MYBPC1: variants seen among roughly 807,000 people sequenced by gnomAD.
The protein encoded by MYBPC1 is myosin-binding protein C, slow-type.
In MYBPC1, 52 loss-of-function variants were observed where a neutral mutation model predicts 147.1. The observed-to-expected ratio is 0.35, with a 90% CI of 0.28 to 0.45. The LOEUF (loss-of-function observed/expected upper bound fraction) is 0.45. Among genes scored for constraint, MYBPC1 ranks in the 20% least tolerant of loss-of-function variants. The pLI is 1.00. For synonymous variants in MYBPC1, 477 were observed against 475.9 expected (o/e 1.00, Z -0.03); for missense variants, 1,228 against 1,440.3 (o/e 0.85, Z 2.39).
intron 8 of MYBPC1, among the ~76,000 whole-genome samples, chr12:101,633,474 G>A (rs1196143841): frequency 6.6e-6 from 1 of 152,028 alleles, no homozygotes. Context: ...AGATCACGAG[G>A]ACAGCAGTCC....
chr12:101,632,479 T>C (rs563243842), intron 8 of MYBPC1, among the ~76,000 whole-genome samples: 17 of 152,310 alleles, frequency 1.1e-4, no homozygotes, highest in African/African-American at 3.4e-4. Context: ...GGTAATATGC[T>C]ATGAGAGTTC....
chr12:101,617,862 C>A (rs546642557), intron 3 of MYBPC1, among the ~76,000 whole-genome samples: 1 of 152,238 alleles, frequency 6.6e-6, no homozygotes, highest in African/African-American at 2.4e-5. Flanking sequence ...TTCTGTTACT[C>A]CATGAAATGC....
At chr12:101,619,208 C>G (rs1886833055) in intron 3 of MYBPC1, among the ~76,000 whole-genome samples, 1 of 152,080 alleles carries the variant, frequency 6.6e-6, no homozygotes, top group African/African-American at 2.4e-5. Context: ...CTCTCCCTCC[C>G]TCCTCCAACT....
intron 1 of MYBPC1, among the ~76,000 whole-genome samples, chr12:101,612,103 A>G (rs1374324850): frequency 6.6e-6 from 1 of 150,894 alleles, no homozygotes; most frequent in African/African-American, 2.4e-5. Context: ...AAAAAAGAAT[A>G]ATCAGCTCTG....
chr12:101,647,930 T>A, intron 13 of MYBPC1, 115 bp from the exon 14 acceptor site: 1 of 808,648 alleles, frequency 1.2e-6, no homozygotes, highest in East Asian at 2.8e-5. Context: ...GTTATCACCA[T>A]GTCAACCATA....
chr12:101,607,534 A>T (rs990331610), intron 1 of MYBPC1, among the ~76,000 whole-genome samples: 22 of 152,202 alleles, frequency 1.4e-4, no homozygotes, highest in Non-Finnish European at 3.1e-4. Flanking sequence ...TTTTATTTTT[A>T]AAAAATTTTC....
At chr12:101,634,823 A>T (rs1890677024) in intron 9 of MYBPC1, among the ~76,000 whole-genome samples, 1 of 152,256 alleles carries the variant, frequency 6.6e-6, no homozygotes, top group Admixed American at 6.5e-5. Context: ...CTTGTTATAA[A>T]GAAGTTCCTG....
chr12:101,661,159 C>T lies in MYBPC1; in HGVS notation c.1929C>T (p.Asp643=). Residue 643 remains aspartate, a splice_region_variant and synonymous_variant, in exon 20 of 32, where the codon GAC becomes GAT. Coordinates refer to ENST00000361466, the MANE Select transcript of MYBPC1 (RefSeq NM_002465.4). The stretch of plus-strand genomic sequence containing the variant: ...TATCCTATTTTTTGTCTGCCACAGA[C>T]TTCCCTGATCCTCCAGTGGCACCGA... ...AHASIKVKVV[D]FPDPPVAPTV... is the part of the protein sequence containing the mutation. 13 of 1,612,112 alleles carry T rather than the reference C, an allele frequency of 8.1e-6. No homozygotes were observed. Among genetic ancestry groups the T allele is most frequent in the Non-Finnish European group, 1.0e-5 (12 of 1,178,810 alleles).
rs1890011117 is a variant in MYBPC1 at position 101,632,050 on chromosome 12, G to A, written c.468G>A (p.Lys156=). 5.0e-6 allele frequency: 8 copies of A among 1,613,764 alleles called. No homozygotes were observed. In the East Asian group the frequency reaches 1.6e-4, roughly 31 times the overall value. The stretch of plus-strand genomic sequence containing the variant: ...ACACATTTGAGATGCAGATCATCAA[G>A]GCCAAAGATAACTTTGCAGGAAATT... ...RVYTFEMQII[K]AKDNFAGNYR... The change falls in exon 8 of 32, where the codon AAG becomes AAA. Residue 156 remains lysine (K), a synonymous_variant. Coordinates refer to ENST00000361466, the MANE Select transcript of MYBPC1 (RefSeq NM_002465.4).
At chr12:101,666,942 C>CACACACACACACA in intron 22 of MYBPC1, 1 of 691,828 alleles carries the variant, frequency 1.4e-6, no homozygotes, top group South Asian at 1.5e-5. Flanking sequence ...CACACACACA[C>CACACACACACACA]ATCCTTAGAG....
In MYBPC1 at chr12:101,682,644, C is replaced by T; in HGVS notation, c.3474C>T (p.Phe1158=). 1 of 1,613,214 alleles carries T rather than the reference C, an allele frequency of 6.2e-7. No individual in the cohort carries two copies. Among genetic ancestry groups the T allele is most frequent in the Non-Finnish European group, 8.5e-7 (1 of 1,179,228 alleles). Residue 1158 remains phenylalanine, a synonymous_variant, in exon 30 of 32, where the codon TTC becomes TTT. Coordinates refer to ENST00000361466, the MANE Select transcript of MYBPC1 (RefSeq NM_002465.4). Reference sequence around the variant, plus strand: ...TAAATACCCCTGGACAACCAGTCTTCCTGGAGGGGCAGCAACAGGTTTAAA... The same window carrying T: ...TAAATACCCCTGGACAACCAGTCTTTCTGGAGGGGCAGCAACAGGTTTAAA... ...QGVNTPGQPV[F]LEGQQQSLHN...
At chr12:101,640,576 C>T (rs1196946572) in intron 10 of MYBPC1, among the ~76,000 whole-genome samples, 1 of 152,136 alleles carries the variant, frequency 6.6e-6, no homozygotes, top group East Asian at 1.9e-4. Flanking sequence ...TTGTCTAGTC[C>T]TTCCCATCAA....
chr12:101,617,692 G>C (rs1886449040), intron 3 of MYBPC1, among the ~76,000 whole-genome samples: 1 of 152,074 alleles, frequency 6.6e-6, no homozygotes, highest in Non-Finnish European at 1.5e-5. Context: ...CACTGACTAT[G>C]TATTCATGTA....
chr12:101,637,488 T>C (rs1241789614), intron 10 of MYBPC1, among the ~76,000 whole-genome samples: 2 of 152,156 alleles, frequency 1.3e-5, no homozygotes, highest in Admixed American at 6.5e-5. Flanking sequence ...CTGTTATAGA[T>C]ATCTAGATAT....
intron 16 of MYBPC1, among the ~76,000 whole-genome samples, chr12:101,651,606 C>A (rs567430413): frequency 2.6e-5 from 4 of 152,290 alleles, no homozygotes; most frequent in African/African-American, 9.6e-5. Context: ...CACTATGGTA[C>A]TTTGTCTATT....
chr12:101,682,584 CA>C lies in MYBPC1; in HGVS notation c.3434-17del. ...AACTGAGAATAAATAAATACTGGTACAAATATTCTGATTCTGCAGTGATATA... is the reference window on the plus strand; with the variant it reads ...AACTGAGAATAAATAAATACTGGTACAATATTCTGATTCTGCAGTGATATA... On this transcript the variant is annotated intron_variant, in intron 29 of 31. Transcript: ENST00000361466. 6.2e-7 allele frequency: 1 copy of C among 1,604,976 alleles called. No individual in the cohort carries two copies. Among genetic ancestry groups the C allele is most frequent in the Non-Finnish European group, 8.5e-7 (1 of 1,172,012 alleles).
intron 20 of MYBPC1, 71 bp downstream of exon 20, chr12:101,661,333 G>A: frequency 1.0e-6 from 1 of 976,694 alleles, no homozygotes; most frequent in Non-Finnish European, 1.6e-6. Context: ...TTAGTACAGA[G>A]CACATTTTAA....
intron 1 of MYBPC1, among the ~76,000 whole-genome samples, chr12:101,611,717 T>C (rs560701904): frequency 2.1e-4 from 32 of 152,282 alleles, no homozygotes; most frequent in African/African-American, 7.7e-4. Flanking sequence ...AATTAAGTCA[T>C]AGTGAAAAGA....
chr12:101,627,304 G>A (rs1387412792), intron 4 of MYBPC1, among the ~76,000 whole-genome samples: 1 of 152,020 alleles, frequency 6.6e-6, no homozygotes, highest in African/African-American at 2.4e-5. Flanking sequence ...GTGCAGTGGT[G>A]CTATCTCGGC....
Sources: allele counts gnomAD v4.1 joint callset (sites outside exome capture counted in the v4.1 genomes callset), GRCh38; gene constraint gnomAD v4.1.1; transcripts MANE v1.5; gene names NCBI Gene and HGNC (gene_info 2026-07-23, HGNC 2026-07-21).